SACS: variants seen among roughly 807,000 people sequenced by gnomAD.
SACS encodes sacsin.
In SACS, 197 loss-of-function variants were observed where a neutral mutation model predicts 348.0. The ratio of observed to expected loss-of-function variants is 0.57; its 90% confidence interval spans 0.50 to 0.64. The LOEUF (loss-of-function observed/expected upper bound fraction) is 0.64. SACS is among the 30% of genes least tolerant of loss of function. The probability of loss-of-function intolerance (pLI) is 0.00; values close to 1 mark genes in which losing one functional copy is unlikely to be tolerated. For missense variants in SACS, 4,999 were observed against 5,360.8 expected, an observed-to-expected ratio of 0.93 and a Z score of 2.11; for synonymous variants, 1,985 against 1,910.6, an observed-to-expected ratio of 1.04 and a Z score of -1.02.
intron 1 of SACS, among the ~76,000 whole-genome samples, chr13:23,421,296 G>A (rs7986802): frequency 0.021 from 3,237 of 152,004 alleles, 120 homozygotes; most frequent in African/African-American, 0.074. Flanking sequence ...CAGATGTCCA[G>A]CTCTGGTCTA....
At chr13:23,429,393 C>T (rs1335105865) in intron 1 of SACS, among the ~76,000 whole-genome samples, 4 of 104,384 alleles carry the variant, frequency 3.8e-5, no homozygotes, top group Non-Finnish European at 5.2e-5. Flanking sequence ...GACGGAGTCT[C>T]GCTCTGTCAC....
chr13:23,330,185 G>A lies in SACS; in HGVS notation c.13691C>T (p.Thr4564Ile). 6.2e-7 allele frequency: 1 copy of A among 1,614,006 alleles called. No individual in the cohort carries two copies. The highest frequency in any genetic ancestry group is 8.5e-7 in the Non-Finnish European group (1 of 1,179,934). ...SEVAMRVMEC[T>I]ACIIIKLENF... ...TTCAAGTTTTATTATGATACAGGCA[G>A]TACATTCCATCACCCTCATAGCAAC... Residue 4564 changes from threonine (T) to isoleucine (I), a missense_variant, in exon 10 of 10, where the codon ACT becomes ATT. Transcript: ENST00000382292.
intron 2 of SACS, among the ~76,000 whole-genome samples, chr13:23,404,478 C>A (rs1273655939): frequency 2.6e-5 from 4 of 152,106 alleles, no homozygotes; most frequent in Admixed American, 2.6e-4. Context: ...ACTGAATGGG[C>A]AAAAGCTGGA....
Position 23,329,200 on chromosome 13 carries a change from A to C in SACS, c.*936T>G, listed in dbSNP as rs1000534324. 2.2e-6 allele frequency: 1 copy of C among 448,800 alleles called. No individual in the cohort carries two copies. Among genetic ancestry groups the C allele is most frequent in the Admixed American group, 4.3e-5 (1 of 23,302 alleles). The allele number at this position is 448,800 out of a possible 1,614,324, so 27.8% of individuals were successfully genotyped here. ...AACACAATGATTTTAACAATTTTTG[A>C]TGTTTTTAAAGTTAAAAAAACTCCA... On this transcript the variant is annotated 3_prime_UTR_variant, in exon 10 of 10. Transcript: ENST00000382292.
intron 6 of SACS, among the ~76,000 whole-genome samples, chr13:23,364,063 T>TTA (rs1376267993): frequency 6.6e-6 from 1 of 152,194 alleles, no homozygotes; most frequent in Non-Finnish European, 1.5e-5. Flanking sequence ...CCTCCTGATG[T>TTA]TATGTCCCAC....
chr13:23,340,684 G>A lies in SACS; in HGVS notation c.3192C>T (p.Leu1064=). Residue 1064 remains leucine, a synonymous_variant, in exon 10 of 10, where the codon CTC becomes CTT. Transcript: ENST00000382292. ...AATAGGTTCCTTCTTCATTACAAAA[G>A]AGATCCTTTAGTACTTCTATATCAG... ...FDPDIEVLKD[L]FCNEEGTYFP... The A allele has an allele frequency of 5.6e-6, 9 of 1,593,556 alleles. No homozygotes were observed. The highest frequency in any genetic ancestry group is 1.4e-5 in the African/African-American group (1 of 73,894).
chr13:23,363,825 T>A (rs1870895349), intron 6 of SACS, among the ~76,000 whole-genome samples: 1 of 152,160 alleles, frequency 6.6e-6, no homozygotes, highest in South Asian at 2.1e-4. Context: ...AGTGTGAGGG[T>A]CACAGCTGCC....
chr13:23,360,051 C>T (rs1426392952), intron 6 of SACS, among the ~76,000 whole-genome samples: 2 of 152,182 alleles, frequency 1.3e-5, no homozygotes, highest in African/African-American at 4.8e-5. Flanking sequence ...AGCCACAGCA[C>T]TTCCAGAAAC....
chr13:23,343,606 C>T (rs997185115), intron 9 of SACS, among the ~76,000 whole-genome samples: 3 of 152,192 alleles, frequency 2.0e-5, no homozygotes, highest in South Asian at 2.1e-4. Context: ...ACTGCTTGAA[C>T]CCGGGAGGCG....
chr13:23,355,449 T>A lies in SACS; in HGVS notation c.1163A>T (p.Gln388Leu). ...VLEEESTKDA[Q>L]KTSWLVCNSV... ...GTTACACACCAACCAAGATGTTTTC[T>A]GTGCATCCTTAGTACTCTCCTCTTC... The change falls in exon 8 of 10, where the codon CAG becomes CTG. Residue 388 changes from glutamine to leucine, a missense_variant. Physicochemically the swap from Gln to Leu is moderately radical, Grantham distance 113. This residue lies in a region of SACS where 3,156 missense variants were observed against 3,380.1 expected (regional missense o/e 0.93). Coordinates refer to ENST00000382292, the MANE Select transcript of SACS (RefSeq NM_014363.6). 1 of 1,614,202 alleles carries A rather than the reference T, an allele frequency of 6.2e-7. No individual in the cohort carries two copies. The highest frequency in any genetic ancestry group is 1.6e-4 in the Middle Eastern group (1 of 6,062).
At position 23,338,321 on chromosome 13, in the gene SACS, T is replaced by C; in HGVS notation, c.5555A>G (p.Gln1852Arg). 2.5e-6 allele frequency: 4 copies of C among 1,614,186 alleles called. No homozygotes were observed. The highest frequency in any genetic ancestry group is 3.4e-6 in the Non-Finnish European group (4 of 1,180,012). Residue 1852 changes from glutamine (Q) to arginine (R), a missense_variant, in exon 10 of 10, where the codon CAG becomes CGG. By Grantham distance (43) the Gln-to-Arg change is conservative. This residue lies in a region of SACS where 3,156 missense variants were observed against 3,380.1 expected (regional missense o/e 0.93). Transcript: ENST00000382292. The part of the protein sequence containing the change: ...GLVPCGAVGV[Q>R]LSEIQDQKWT... Reference sequence around the variant, plus strand: ...CTTCTGGTCCTGGATTTCTGACAGCTGAACTCCTACTGCCCCACATGGAAC... The same window carrying C: ...CTTCTGGTCCTGGATTTCTGACAGCCGAACTCCTACTGCCCCACATGGAAC...
Position 23,340,634 on chromosome 13 carries a change from G to A in SACS, c.3242C>T (p.Pro1081Leu), listed in dbSNP as rs377493083. ...CTGTCTTAAGGAGTGAAGAATATCT[G>A]GTGAGGTAAAAACTGAGGGTGGGAA... Reference protein sequence around the residue: ...TYFPPSVFTSPDILHSLRQIG... With the variant: ...TYFPPSVFTSLDILHSLRQIG... The change falls in exon 10 of 10, where the codon CCA becomes CTA. Residue 1081 changes from proline (P) to leucine (L), a missense_variant. By Grantham distance (98) the Pro-to-Leu change is moderately conservative. Transcript: ENST00000382292. The A allele has an allele frequency of 6.2e-7, 1 of 1,607,408 alleles. No homozygotes were observed. Among genetic ancestry groups the A allele is most frequent in the Non-Finnish European group, 8.5e-7 (1 of 1,178,352 alleles).
rs1566064273 is a variant in SACS, at chr13:23,336,385, T to G, written c.7491A>C (p.Gly2497=). 1.2e-6 allele frequency: 2 copies of G among 1,614,128 alleles called. No individual in the cohort carries two copies. The highest frequency in any genetic ancestry group is 4.5e-5 in the East Asian group (2 of 44,882). Residue 2497 remains glycine (G), a synonymous_variant, in exon 10 of 10, where the codon GGA becomes GGC. Coordinates refer to ENST00000382292, the MANE Select transcript of SACS (RefSeq NM_014363.6). ...DIPREVAVKL[G]AVPKRHKALE... ...AGGCTTTGTGTCGCTTTGGGACTGC[T>G]CCTAGTTTTACTGCTACTTCCCTGG...
In SACS at chr13:23,332,302, G is replaced by T. The variant is rs765250364; in HGVS notation, c.11574C>A (p.Ser3858Arg). The change falls in exon 10 of 10, where the codon AGC becomes AGA. Residue 3858 changes from serine to arginine, a missense_variant. Physicochemically the swap from Ser to Arg is moderately radical, Grantham distance 110. Around this residue, in one of 6 missense-constraint regions of SACS, gnomAD observed 831 missense variants for 941.8 expected, o/e 0.88. Transcript: ENST00000382292. ...TGCCCTCAGAATTTTTAAATATGCG[G>T]CTCAACACTTCAACATATTGCTTAG... ...ISTKQYVEVLSRIFKNSEGKQ... is the reference protein window; with the variant it reads ...ISTKQYVEVLRRIFKNSEGKQ... 1 of 1,613,908 alleles carries T rather than the reference G, an allele frequency of 6.2e-7. No individual in the cohort carries two copies. Among genetic ancestry groups the T allele is most frequent in the South Asian group, 1.1e-5 (1 of 91,070 alleles).
intron 5 of SACS, among the ~76,000 whole-genome samples, chr13:23,366,271 G>A (rs571082960): frequency 1.3e-5 from 2 of 152,248 alleles, no homozygotes; most frequent in East Asian, 1.9e-4. Context: ...GAGACTGAGG[G>A]AGCAGAAGTG....
intron 2 of SACS, among the ~76,000 whole-genome samples, chr13:23,384,032 A>G (rs1436109559): frequency 1.3e-5 from 2 of 152,218 alleles, no homozygotes; most frequent in Admixed American, 1.3e-4. Flanking sequence ...AAATCATGTA[A>G]TGGAAGAATA....
At chr13:23,363,866 C>T (rs542842718) in intron 6 of SACS, among the ~76,000 whole-genome samples, 2 of 152,258 alleles carry the variant, frequency 1.3e-5, no homozygotes, top group African/African-American at 4.8e-5. Flanking sequence ...GGGGGCAGTA[C>T]AATGGGGTAG....
rs1728261877 is a variant in SACS at position 23,332,256 on chromosome 13, T to A, written c.11620A>T (p.Met3874Leu). 1 of 1,613,980 alleles carries A rather than the reference T, an allele frequency of 6.2e-7. No homozygotes were observed. Among genetic ancestry groups the A allele is most frequent in the African/African-American group, 1.3e-5 (1 of 75,044 alleles). ...GAAACTACTCTCTTAACTGTACGCA[T>A]TTCATTAGGATCTAATTGTTTGCCC... Reference protein sequence around the residue: ...SEGKQLDPNEMRTVKRVVSGL... With the variant: ...SEGKQLDPNELRTVKRVVSGL... The change falls in exon 10 of 10, where the codon ATG (methionine) becomes TTG (leucine). Residue 3874 changes from methionine to leucine, a missense_variant. Physicochemically the swap from Met to Leu is conservative, Grantham distance 15. Coordinates refer to ENST00000382292, the MANE Select transcript of SACS (RefSeq NM_014363.6).
At chr13:23,343,756 CTT>C (rs1869424291) in intron 9 of SACS, among the ~76,000 whole-genome samples, 1 of 152,188 alleles carries the variant, frequency 6.6e-6, no homozygotes, top group Non-Finnish European at 1.5e-5. Context: ...GCTCTGGAAA[CTT>C]TTGCGTATTG....
Sources: allele counts gnomAD v4.1 joint callset (sites outside exome capture counted in the v4.1 genomes callset), GRCh38; gene constraint gnomAD v4.1.1; regional missense constraint gnomAD v4.1.1; transcripts MANE v1.5; gene names NCBI Gene and HGNC (gene_info 2026-07-23, HGNC 2026-07-21).